The following NDE1 variants were observed in gnomAD, a reference collection of about 807,000 sequenced individuals.
NDE1 encodes nudE neurodevelopment protein 1, also known as nuclear distribution protein nudE homolog 1.
NDE1 carries 28 observed loss-of-function variants against 43.4 expected under a neutral mutation model. That is an observed-to-expected ratio of 0.65 (90% CI 0.48 to 0.89). The LOEUF (loss-of-function observed/expected upper bound fraction) is 0.89. Ranked by LOEUF, NDE1 falls within the 40% of genes least tolerant of loss-of-function variation. The pLI is 0.00. For missense variants in NDE1, 441 were observed against 434.1 expected, an observed-to-expected ratio of 1.02 and a Z score of -0.14; for synonymous variants, 184 against 172.0, an observed-to-expected ratio of 1.07 and a Z score of -0.55.
intron 4 of NDE1, among the ~76,000 whole-genome samples, chr16:15,679,131 T>C (rs1436669588): frequency 1.3e-5 from 2 of 152,108 alleles, no homozygotes; most frequent in Non-Finnish European, 2.9e-5. Context: ...CAGATGTTTT[T>C]TCTTTTATTT....
chr16:15,662,280 C>CTTTTTTTT (rs774915905), intron 1 of NDE1, among the ~76,000 whole-genome samples: 11 of 124,954 alleles, frequency 8.8e-5, no homozygotes, highest in Admixed American at 1.6e-4. Flanking sequence ...TTTCTCTTTT[C>CTTTTTTTT]TTTTTTTTTT....
chr16:15,652,303 G>C (rs376560672), intron 1 of NDE1, among the ~76,000 whole-genome samples: 94 of 152,244 alleles, frequency 6.2e-4, no homozygotes, highest in African/African-American at 2.2e-3. Flanking sequence ...GCCTCCCACA[G>C]TGCTGAGATT....
chr16:15,683,081 A>G (rs2038265468), intron 4 of NDE1, among the ~76,000 whole-genome samples: 1 of 151,970 alleles, frequency 6.6e-6, no homozygotes, highest in Admixed American at 6.6e-5. Flanking sequence ...TCCTGGATTC[A>G]AACAATCTTC....
intron 8 of NDE1, chr16:15,714,368 GGACTACTGCAGCCGGTGGGTA>G (rs1223755624): frequency 5.8e-6 from 1 of 172,922 alleles, no homozygotes; most frequent in Non-Finnish European, 1.3e-5. Flanking sequence ...GGGTGGTGGG[GGACTACTGCAGCCGGTGGGTA>G]GAGGCCAGAA....
At chr16:15,693,766 T>C (rs2038872053) in intron 6 of NDE1, among the ~76,000 whole-genome samples, 1 of 152,096 alleles carries the variant, frequency 6.6e-6, no homozygotes. Context: ...GTGATGGAAC[T>C]CTGTCTCTAC....
rs748516947 is a variant in NDE1 at position 15,714,963 on chromosome 16, G to A, written c.948-9228G>A. 6.0e-5 allele frequency: 97 copies of A among 1,613,950 alleles called. 1 individual carries two copies. Among genetic ancestry groups the A allele is most frequent in the Admixed American group, 3.3e-4 (20 of 60,000 alleles). ...GCGGCCCATGGCCTCGTTGCTCTCCGTGGCCTCATCCAGCTCCCGCTGCAG... is the reference window on the plus strand; with the variant it reads ...GCGGCCCATGGCCTCGTTGCTCTCCATGGCCTCATCCAGCTCCCGCTGCAG... On this transcript the variant is annotated intron_variant, in intron 8 of 8. Coordinates refer to ENST00000396354, the MANE Select transcript of NDE1 (RefSeq NM_017668.3).
chr16:15,656,439 C>T (rs1285949227), intron 1 of NDE1, among the ~76,000 whole-genome samples: 1 of 152,168 alleles, frequency 6.6e-6, no homozygotes, highest in Non-Finnish European at 1.5e-5. Flanking sequence ...CCTAAAGCAT[C>T]TCAGATTCAT....
Position 15,667,384 on chromosome 16 carries a change from A to C in NDE1, c.182A>C (p.Asn61Thr), listed in dbSNP as rs1274498488. ...CAGCTGCAACAAATTGAAACCAGGA[A>C]CAGAGACCTCCTGTCCGAAAATAAC... ...ETQLQQIETR[N>T]RDLLSENNRL... is the part of the protein sequence containing the mutation. Residue 61 changes from asparagine (N) to threonine (T), a missense_variant, in exon 3 of 9, where the codon AAC (asparagine) becomes ACC (threonine). Transcript: ENST00000396354. 3.7e-6 allele frequency: 6 copies of C among 1,613,910 alleles called. No homozygotes were observed. The highest frequency in any genetic ancestry group is 3.3e-5 in the Admixed American group (2 of 59,958).
intron 8 of NDE1, chr16:15,720,258 C>T: frequency 6.2e-7 from 1 of 1,614,156 alleles, no homozygotes; most frequent in Non-Finnish European, 8.5e-7. Flanking sequence ...TTTGCTGCAG[C>T]TGCCAGGGCA....
intron 1 of NDE1, among the ~76,000 whole-genome samples, chr16:15,660,530 C>T (rs1323027339): frequency 6.6e-6 from 1 of 152,118 alleles, no homozygotes; most frequent in Non-Finnish European, 1.5e-5. Context: ...GTCCTGAGAG[C>T]CAAGGCCCCT....
chr16:15,704,439 C>G (rs1312445900), intron 8 of NDE1, among the ~76,000 whole-genome samples: 6 of 152,152 alleles, frequency 3.9e-5, no homozygotes, highest in Admixed American at 3.9e-4. Context: ...CCACAGGATT[C>G]TGGTCTGCTG....
At chr16:15,678,675 A>G (rs2038011693) in intron 4 of NDE1, among the ~76,000 whole-genome samples, 1 of 152,170 alleles carries the variant, frequency 6.6e-6, no homozygotes, top group African/African-American at 2.4e-5. Flanking sequence ...GTGGTTTAGC[A>G]GAATGATAAT....
At chr16:15,692,842 T>A (rs774128349) in intron 6 of NDE1, among the ~76,000 whole-genome samples, 1 of 152,010 alleles carries the variant, frequency 6.6e-6, no homozygotes, top group Non-Finnish European at 1.5e-5. Context: ...GCTCCAGTGA[T>A]CCTCCTGCCT....
chr16:15,708,626 A>G (rs1319364610), intron 8 of NDE1, among the ~76,000 whole-genome samples: 3 of 152,208 alleles, frequency 2.0e-5, no homozygotes, highest in East Asian at 3.9e-4. Context: ...TCTATTTGTC[A>G]TCCTGATCTT....
At chr16:15,656,785 C>T (rs1304959041) in intron 1 of NDE1, among the ~76,000 whole-genome samples, 2 of 152,062 alleles carry the variant, frequency 1.3e-5, no homozygotes, top group Non-Finnish European at 2.9e-5. Context: ...AAGTGATCTA[C>T]CCGCTGTGGC....
chr16:15,694,513 T>TA, intron 7 of NDE1: 1 of 1,205,438 alleles, frequency 8.3e-7, no homozygotes, highest in Non-Finnish European at 1.1e-6. Context: ...GCCTGGCTGA[T>TA]ACTTTCATTT....
intron 3 of NDE1, among the ~76,000 whole-genome samples, chr16:15,670,353 G>A (rs961526433): frequency 6.6e-6 from 1 of 152,022 alleles, no homozygotes; most frequent in African/African-American, 2.4e-5. Flanking sequence ...CTGATGTGGG[G>A]GCCTTTCAAG....
chr16:15,658,250 T>C (rs1341245873), intron 1 of NDE1, among the ~76,000 whole-genome samples: 1 of 152,258 alleles, frequency 6.6e-6, no homozygotes, highest in Non-Finnish European at 1.5e-5. Flanking sequence ...AGTTTCATTT[T>C]TGACAGCTAT....
At position 15,721,253 on chromosome 16, in the gene NDE1, TGCCATTCTCA is replaced by T. The variant is rs1208574931; in HGVS notation, c.948-2934_948-2925del. ...CCCCCAACTCAGACCCATCCTCGAC[TGCCATTCTCA>T]GCCCCTCCCAGCCCCTGCACCAGTC... On this transcript the variant is annotated intron_variant, in intron 8 of 8. Transcript: ENST00000396354. 31 of 951,422 alleles carry T rather than the reference TGCCATTCTCA, an allele frequency of 3.3e-5. 1 individual carries two copies. In the East Asian group the frequency reaches 8.1e-4, roughly 25 times the overall value. 58.9% of individuals were successfully genotyped at this position (951,422 alleles called of 1,614,324 possible).
Sources: gnomAD v4.1 joint callset for allele counts (sites outside exome capture counted in the v4.1 genomes callset) on GRCh38, gnomAD v4.1.1 for gene constraint, MANE v1.5 for transcripts, NCBI Gene and HGNC (gene_info 2026-07-23, HGNC 2026-07-21) for gene names.